Variants in RBPMS observed in about 807,000 individuals in gnomAD.
RBPMS encodes the protein RNA-binding protein with multiple splicing.
RBPMS carries 7 observed loss-of-function variants against 26.8 expected under a neutral mutation model. The observed-to-expected ratio is 0.26, with a 90% CI of 0.15 to 0.49. RBPMS has a LOEUF of 0.49. Ranked by LOEUF, RBPMS falls within the 20% of genes least tolerant of loss-of-function variation. The probability of loss-of-function intolerance (pLI) is 0.98; values close to 1 mark genes in which losing one functional copy is unlikely to be tolerated. For missense variants in RBPMS, 186 were observed against 250.0 expected (o/e 0.74, Z 1.73); for synonymous variants, 96 against 93.3 (o/e 1.03, Z -0.17).
chr8:30,487,329 C>T (rs533881879), intron 4 of RBPMS, among the ~76,000 whole-genome samples: 1 of 152,320 alleles, frequency 6.6e-6, no homozygotes, highest in African/African-American at 2.4e-5. Context: ...TCTGATAGTC[C>T]ATAAGGATTT....
intron 4 of RBPMS, 44 bp from the exon 5 acceptor site, chr8:30,504,242 C>G (rs776513825): frequency 1.9e-6 from 3 of 1,610,546 alleles, no homozygotes; most frequent in South Asian, 1.1e-5. Flanking sequence ...CGGTTTGACT[C>G]AAAGGAAATG....
chr8:30,531,779 T>G (rs1824248089), intron 5 of RBPMS, among the ~76,000 whole-genome samples: 1 of 152,154 alleles, frequency 6.6e-6, no homozygotes, highest in South Asian at 2.1e-4. Flanking sequence ...TGGTTAAATC[T>G]TTGTGATTTT....
At chr8:30,553,606 C>T (rs1452196883) in intron 6 of RBPMS, 1 of 152,240 alleles carries the variant, frequency 6.6e-6, no homozygotes, top group Non-Finnish European at 1.5e-5. Flanking sequence ...TGGTTCCCTG[C>T]AGTTGCTCAG....
chr8:30,421,886 C>T (rs1250142922), intron 1 of RBPMS, among the ~76,000 whole-genome samples: 3 of 151,738 alleles, frequency 2.0e-5, no homozygotes, highest in East Asian at 2.0e-4. Context: ...ACCCGGGAGG[C>T]GGAGGTTGCA....
At chr8:30,421,996 G>C (rs1810852753) in intron 1 of RBPMS, among the ~76,000 whole-genome samples, 1 of 151,874 alleles carries the variant, frequency 6.6e-6, no homozygotes, top group South Asian at 2.1e-4. Context: ...CTATGATAGA[G>C]ATAAGAATAA....
At position 30,530,100 on chromosome 8, in the gene RBPMS, A is replaced by G. The variant is rs138723716; in HGVS notation, c.398-14394A>G. 3.0e-4 allele frequency among the ~76,000 whole-genome samples: 46 copies of G among 152,280 alleles called. 1 individual carries two copies. Among genetic ancestry groups the G allele is most frequent in the Admixed American group, 2.7e-3 (41 of 15,296 alleles). On this transcript the variant is annotated intron_variant, in intron 5 of 8. Coordinates refer to ENST00000397323, the MANE Select transcript of RBPMS (RefSeq NM_001008710.3). ...GGCTGAATGATGACCCATTGTATGG[A>G]TATAGTACATCTGGTTTATCCATTC...
chr8:30,441,167 G>A (rs1263634977), intron 1 of RBPMS, among the ~76,000 whole-genome samples: 2 of 152,088 alleles, frequency 1.3e-5, no homozygotes, highest in East Asian at 1.9e-4. Context: ...AATATTAACC[G>A]TAATGATGAA....
At chr8:30,489,486 C>T (rs1253065542) in intron 4 of RBPMS, among the ~76,000 whole-genome samples, 1 of 151,152 alleles carries the variant, frequency 6.6e-6, no homozygotes, top group African/African-American at 2.4e-5. Context: ...GAGACAGTCT[C>T]GCTCTGTCGC....
chr8:30,475,808 G>A (rs1817625339), intron 2 of RBPMS, among the ~76,000 whole-genome samples: 1 of 152,112 alleles, frequency 6.6e-6, no homozygotes, highest in African/African-American at 2.4e-5. Flanking sequence ...GTGCCAAGAG[G>A]GCACCATGTC....
At chr8:30,393,395 G>GT (rs35044314) in intron 1 of RBPMS, among the ~76,000 whole-genome samples, 47,181 of 151,862 alleles carry the variant, frequency 0.31, 9,116 homozygotes, top group East Asian at 0.76. Context: ...AGAGGCGTGA[G>GT]TTTTTTTACA....
chr8:30,448,919 G>T (rs977471252), intron 1 of RBPMS, among the ~76,000 whole-genome samples: 19 of 152,110 alleles, frequency 1.2e-4, no homozygotes, highest in African/African-American at 4.6e-4. Context: ...CATACCCATG[G>T]GGGGGAACTT....
rs978789888 is a variant in RBPMS at position 30,384,969 on chromosome 8, C to A, written c.-124C>A. On this transcript the variant is annotated 5_prime_UTR_variant, in exon 1 of 9. Transcript: ENST00000397323. The surrounding 1 kb of genome is among the most constrained non-coding windows in gnomAD (Gnocchi z 5.6). ...CCACTGCCCCGGCTCCAGCTCCAGC[C>A]CCACAGCCCGCGGCGCCCGCCCGAG... 4 of 597,878 alleles carry A rather than the reference C, an allele frequency of 6.7e-6. No homozygotes were observed. Among genetic ancestry groups the A allele is most frequent in the Non-Finnish European group, 1.0e-5 (4 of 390,594 alleles). 37.0% of individuals were successfully genotyped at this position (597,878 alleles called of 1,614,324 possible).
rs1828209608 is a variant in RBPMS at position 30,570,627 on chromosome 8, T to C, written c.*112-10T>C. ...ACCTGCTCTCCTAACATGTTTTCTT[T>C]CTGTTTCAGGCTTGAAAAACCCTTG... On this transcript the variant is annotated splice_polypyrimidine_tract_variant and intron_variant, in intron 8 of 8. Coordinates refer to ENST00000397323, the MANE Select transcript of RBPMS (RefSeq NM_001008710.3). 6.5e-6 allele frequency: 1 copy of C among 152,804 alleles called. No individual in the cohort carries two copies. Among genetic ancestry groups the C allele is most frequent in the African/African-American group, 2.4e-5 (1 of 41,590 alleles). The allele number at this position is 152,804 out of a possible 1,614,324, so 9.5% of individuals were successfully genotyped here.
intron 1 of RBPMS, among the ~76,000 whole-genome samples, chr8:30,391,986 G>A (rs982463903): frequency 3.9e-5 from 6 of 152,036 alleles, no homozygotes; most frequent in Non-Finnish European, 5.9e-5. Flanking sequence ...TGATGGGGAA[G>A]TGGCTGAAGC....
intron 6 of RBPMS, chr8:30,549,551 C>G: frequency 6.2e-7 from 1 of 1,614,148 alleles, no homozygotes; most frequent in Non-Finnish European, 8.5e-7. Flanking sequence ...CGCTCCGTCT[C>G]CTGATAGTGC....
chr8:30,439,117 C>G (rs1459120127), intron 1 of RBPMS, among the ~76,000 whole-genome samples: 4 of 152,062 alleles, frequency 2.6e-5, no homozygotes, highest in African/African-American at 4.8e-5. Context: ...TACCTTTAAG[C>G]GTCAAAAATA....
intron 1 of RBPMS, among the ~76,000 whole-genome samples, chr8:30,423,740 GAGA>G (rs758611227): frequency 6.6e-6 from 1 of 152,108 alleles, no homozygotes; most frequent in African/African-American, 2.4e-5. Flanking sequence ...CTTGCCAAGA[GAGA>G]AGATCTCTCT....
intron 5 of RBPMS, among the ~76,000 whole-genome samples, chr8:30,536,686 G>T (rs1461796982): frequency 6.6e-6 from 1 of 152,086 alleles, no homozygotes; most frequent in African/African-American, 2.4e-5. Flanking sequence ...GATTCAAGTT[G>T]CCCTGAAGAT....
At chr8:30,483,402 T>C (rs1421785128) in intron 4 of RBPMS, among the ~76,000 whole-genome samples, 2 of 152,142 alleles carry the variant, frequency 1.3e-5, no homozygotes, top group South Asian at 2.1e-4. Context: ...CCAACCAAAA[T>C]TGCTTAGGCT....
Sources: gnomAD v4.1 joint callset for allele counts (sites outside exome capture counted in the v4.1 genomes callset) on GRCh38, gnomAD v4.1.1 for gene constraint, Gnocchi (gnomAD v3.1) non-coding constraint, MANE v1.5 for transcripts, NCBI Gene and HGNC (gene_info 2026-07-23, HGNC 2026-07-21) for gene names.